SLC44A5: variants seen among roughly 807,000 people sequenced by gnomAD.
The protein encoded by SLC44A5 is choline transporter-like protein 5.
A neutral mutation model predicts 101.8 loss-of-function variants in SLC44A5; 57 were observed. The ratio of observed to expected loss-of-function variants is 0.56; its 90% CI spans 0.45 to 0.70. SLC44A5 has a LOEUF of 0.70. Ranked by LOEUF, SLC44A5 falls within the 30% of genes least tolerant of loss-of-function variation. SLC44A5 has a pLI of 0.00. For missense variants in SLC44A5, 737 were observed against 853.1 expected (o/e 0.86, Z 1.70); for synonymous variants, 281 against 290.9 (o/e 0.97, Z 0.35).
intron 5 of SLC44A5, among the ~76,000 whole-genome samples, chr1:75,279,816 A>G (rs1321609784): frequency 6.6e-6 from 1 of 151,770 alleles, no homozygotes; most frequent in Non-Finnish European, 1.5e-5. Context: ...TTACATGGAT[A>G]AGTCCTTTAG....
intron 4 of SLC44A5, among the ~76,000 whole-genome samples, chr1:75,312,474 T>C (rs192635804): frequency 1.3e-3 from 200 of 152,054 alleles, no homozygotes; most frequent in Middle Eastern, 3.4e-3. Flanking sequence ...CCCTGATGAA[T>C]GGAGTCTCAG....
intron 3 of SLC44A5, among the ~76,000 whole-genome samples, chr1:75,354,337 A>G (rs1296028306): frequency 6.6e-6 from 1 of 152,232 alleles, no homozygotes; most frequent in Non-Finnish European, 1.5e-5. Flanking sequence ...GAATTAAAAT[A>G]TCTGGAAGTA....
intron 4 of SLC44A5, among the ~76,000 whole-genome samples, chr1:75,309,976 C>T (rs1015228067): frequency 1.3e-5 from 2 of 152,076 alleles, no homozygotes; most frequent in African/African-American, 4.8e-5. Flanking sequence ...TACTATAACA[C>T]AGCATTACTA....
At chr1:75,442,884 A>G (rs1665290208) in intron 2 of SLC44A5, among the ~76,000 whole-genome samples, 1 of 152,210 alleles carries the variant, frequency 6.6e-6, no homozygotes, top group Non-Finnish European at 1.5e-5. Flanking sequence ...GTCAATAACA[A>G]GAATAACAGA....
chr1:75,565,271 T>C (rs1180363920), intron 1 of SLC44A5, among the ~76,000 whole-genome samples: 1 of 152,164 alleles, frequency 6.6e-6, no homozygotes, highest in Non-Finnish European at 1.5e-5. Context: ...TTCGCCTTAT[T>C]GGAAGGATGC....
rs1255497870 is a variant in SLC44A5, at chr1:75,248,527, A to C, written c.345+2683T>G. ...GGATGTCAGAGAGGGAGATTTTAAC[A>C]GTTGTCTTCTGAATGCTTGTACTTG... On this transcript the variant is annotated intron_variant, in intron 7 of 23. Coordinates refer to ENST00000370859, the MANE Select transcript of SLC44A5 (RefSeq NM_001130058.2). Among the ~76,000 whole-genome samples, 3 of 152,072 alleles carry C rather than the reference A, an allele frequency of 2.0e-5. No homozygotes were observed. The South Asian group carries it at 6.2e-4, about 31-fold the overall frequency.
At chr1:75,698,612 G>A in the SLC44A5 span, among the ~76,000 whole-genome samples, 2 of 152,198 alleles carry the variant, frequency 1.3e-5, no homozygotes, top group Non-Finnish European at 2.9e-5. Flanking sequence ...TCCTCCAAAG[G>A]AACGCAGTTC....
intron 3 of SLC44A5, among the ~76,000 whole-genome samples, chr1:75,395,450 A>G (rs898846928): frequency 1.3e-5 from 2 of 152,176 alleles, no homozygotes; most frequent in Non-Finnish European, 2.9e-5. Flanking sequence ...AAAAGTTTCT[A>G]TTACCTACCT....
intron 1 of SLC44A5, among the ~76,000 whole-genome samples, chr1:75,567,177 T>C (rs574724492): frequency 3.5e-5 from 5 of 141,870 alleles, no homozygotes; most frequent in Non-Finnish European, 7.4e-5. Context: ...GGTGTTTGGG[T>C]ATCCCTGGTT....
intron 23 of SLC44A5, chr1:75,204,545 G>A (rs1399434624): frequency 1.3e-5 from 2 of 151,788 alleles, no homozygotes; most frequent in African/African-American, 4.8e-5. Flanking sequence ...GTGCAGTGGT[G>A]TGATCATGGC....
chr1:75,543,077 A>G (rs112870862), intron 1 of SLC44A5, among the ~76,000 whole-genome samples: 37 of 152,306 alleles, frequency 2.4e-4, no homozygotes, highest in African/African-American at 8.9e-4. Flanking sequence ...GTTTAATAAG[A>G]TGCCATGCAT....
In SLC44A5 at chr1:75,270,038, G is replaced by A. The variant is rs374336837; in HGVS notation, c.260+4920C>T. ...TGTCTTGTCTGCCACCGTGTAAGAC[G>A]TGCCTTTTGCCTTCTGCCATGATTG... On this transcript the variant is annotated intron_variant, in intron 6 of 23. Transcript: ENST00000370859. 6.6e-5 allele frequency among the ~76,000 whole-genome samples: 10 copies of A among 152,186 alleles called. 1 individual carries two copies. Among genetic ancestry groups the A allele is most frequent in the South Asian group, 2.1e-4 (1 of 4,820 alleles).
chr1:75,219,347 G>GAATA lies in SLC44A5; in HGVS notation c.1179-7_1179-4dup, dbSNP rs1470589829. 1 of 1,600,788 alleles carries GAATA rather than the reference G, an allele frequency of 6.2e-7. No homozygotes were observed. The highest frequency in any genetic ancestry group is 1.1e-5 in the South Asian group (1 of 90,798). On this transcript the variant is annotated splice_polypyrimidine_tract_variant and splice_region_variant and intron_variant, in intron 15 of 23. Coordinates refer to ENST00000370859, the MANE Select transcript of SLC44A5 (RefSeq NM_001130058.2). ...GTACCCCCGATGTCGCCAAGAAACT[G>GAATA]AATAAACTCCATTAAGGATAAACCA...
intron 2 of SLC44A5, among the ~76,000 whole-genome samples, chr1:75,416,331 T>C (rs1391970614): frequency 6.6e-6 from 1 of 152,104 alleles, no homozygotes; most frequent in African/African-American, 2.4e-5. Flanking sequence ...AGCATACAAA[T>C]GGTGTTGAGC....
At chr1:75,322,969 T>G (rs1017662619) in intron 4 of SLC44A5, among the ~76,000 whole-genome samples, 1 of 152,010 alleles carries the variant, frequency 6.6e-6, no homozygotes, top group Non-Finnish European at 1.5e-5. Flanking sequence ...ACTTTAAGTT[T>G]TAGGGTACAT....
rs1334673499 is a variant in SLC44A5 at position 75,300,721 on chromosome 1, G to C, written c.102-36C>G. 3 of 1,419,778 alleles carry C rather than the reference G, an allele frequency of 2.1e-6. No individual in the cohort carries two copies. The Admixed American group carries it at 6.2e-5, about 29-fold the overall frequency. 87.9% of individuals were successfully genotyped at this position (1,419,778 alleles called of 1,614,324 possible). On this transcript the variant is annotated intron_variant, in intron 4 of 23. Transcript: ENST00000370859. ...AAAAAGAAATAAATAATTAAAAGAG[G>C]TCCCAAATGACTTCCTGTTTCCTGC... is the stretch of plus-strand genomic sequence containing the variant.
chr1:75,443,348 T>A (rs1247298268), intron 2 of SLC44A5, among the ~76,000 whole-genome samples: 1 of 151,842 alleles, frequency 6.6e-6, no homozygotes, highest in Non-Finnish European at 1.5e-5. Context: ...CTAAAAGCTT[T>A]GAGAAAACTC....
intron 2 of SLC44A5, among the ~76,000 whole-genome samples, chr1:75,455,008 T>C (rs1666107523): frequency 6.6e-6 from 1 of 151,936 alleles, no homozygotes; most frequent in Admixed American, 6.6e-5. Flanking sequence ...TTCACAGAAA[T>C]AGAAAAAAAC....
chr1:75,677,925 C>G, the SLC44A5 span: 1 of 213,304 alleles, frequency 4.7e-6, no homozygotes, highest in Non-Finnish European at 9.6e-6. Context: ...CGAGCCGAAG[C>G]AGGGCGAGGC....
Sources: gnomAD v4.1 joint callset for allele counts (sites outside exome capture counted in the v4.1 genomes callset) on GRCh38, gnomAD v4.1.1 for gene constraint, MANE v1.5 for transcripts, NCBI Gene and HGNC (gene_info 2026-07-23, HGNC 2026-07-21) for gene names.